The following ZFHX3 variants were observed in gnomAD, a reference collection of about 807,000 sequenced individuals.
ZFHX3 encodes zinc finger homeobox 3.
ZFHX3 carries 42 observed loss-of-function variants against 279.1 expected under a neutral mutation model. That is an observed-to-expected ratio of 0.15 (90% confidence interval 0.12 to 0.19). The LOEUF (loss-of-function observed/expected upper bound fraction) is 0.19. ZFHX3 is among the 10% of genes least tolerant of loss of function. The pLI, the probability that ZFHX3 is intolerant of heterozygous loss-of-function variation, is 1.00. For missense variants in ZFHX3, 4,981 were observed against 4,754.0 expected (o/e 1.05, Z -1.40); for synonymous variants, 2,293 against 1,957.8 (o/e 1.17, Z -4.52).
chr16:73,647,196 T>G (rs2052627167), intron 2 of ZFHX3, among the ~76,000 whole-genome samples: 1 of 152,072 alleles, frequency 6.6e-6, no homozygotes, highest in African/African-American at 2.4e-5. Flanking sequence ...GTATTTTTAG[T>G]AGAGACGGGG....
intron 7 of ZFHX3, among the ~76,000 whole-genome samples, chr16:73,098,524 G>A (rs9922785): frequency 6.6e-6 from 1 of 152,036 alleles, no homozygotes; most frequent in African/African-American, 2.4e-5. Flanking sequence ...ACCACACCCG[G>A]ATAATTTTTG....
chr16:73,688,913 G>C (rs1171908637), intron 1 of ZFHX3, among the ~76,000 whole-genome samples: 1 of 152,118 alleles, frequency 6.6e-6, no homozygotes, highest in Non-Finnish European at 1.5e-5. Context: ...AGTGAGATGT[G>C]CCTTTCACCT....
chr16:73,440,120 C>A (rs368129106), intron 3 of ZFHX3, among the ~76,000 whole-genome samples: 6 of 152,122 alleles, frequency 3.9e-5, no homozygotes, highest in Non-Finnish European at 8.8e-5. Flanking sequence ...AGAGTATTTA[C>A]TGAACTGCCA....
At chr16:73,193,731 T>C (rs1455515829) in intron 5 of ZFHX3, among the ~76,000 whole-genome samples, 2 of 152,186 alleles carry the variant, frequency 1.3e-5, no homozygotes, top group Non-Finnish European at 2.9e-5. Flanking sequence ...GGCCAGACCC[T>C]GGTCATATTC....
intron 2 of ZFHX3, among the ~76,000 whole-genome samples, chr16:73,500,530 C>T (rs1597359794): frequency 6.6e-6 from 1 of 151,826 alleles, no homozygotes; most frequent in East Asian, 1.9e-4. Context: ...TTTCACCATG[C>T]TGCCCAGGCT....
At chr16:73,523,829 T>C (rs1195426945) in intron 2 of ZFHX3, among the ~76,000 whole-genome samples, 2 of 152,074 alleles carry the variant, frequency 1.3e-5, no homozygotes, top group Non-Finnish European at 2.9e-5. Context: ...AATTCAGACA[T>C]CCACCATTGA....
chr16:73,683,375 A>G (rs1056204274), intron 1 of ZFHX3, among the ~76,000 whole-genome samples: 3 of 152,234 alleles, frequency 2.0e-5, no homozygotes, highest in Non-Finnish European at 4.4e-5. Context: ...GCCTTAAGCC[A>G]CGAGATAACC....
At position 73,416,869 on chromosome 16, in the gene ZFHX3, G is replaced by C. The variant is rs868070141; in HGVS notation, c.-1291+39134C>G. ...AGCCTGGGCGACAGAGCGAGACTCC[G>C]TCTCAAACAGAAAAAAAAGCAAGTT... On this transcript the variant is annotated intron_variant, in intron 3 of 17. Coordinates refer to the ZFHX3 transcript ENST00000641206. 2.6e-5 allele frequency among the ~76,000 whole-genome samples: 4 copies of C among 151,166 alleles called. No individual in the cohort carries two copies. The South Asian group carries it at 6.2e-4, about 24-fold the overall frequency.
chr16:73,411,796 C>A (rs543324457), intron 3 of ZFHX3, among the ~76,000 whole-genome samples: 1 of 152,270 alleles, frequency 6.6e-6, no homozygotes, highest in East Asian at 1.9e-4. Context: ...CAGGTTACTG[C>A]CACGCCCAGC....
chr16:72,903,175 AGGTCGTTG>A lies in ZFHX3; in HGVS notation c.3217-13221_3217-13214del. Among the ~76,000 whole-genome samples, 7 of 152,220 alleles carry A rather than the reference AGGTCGTTG, an allele frequency of 4.6e-5. No individual in the cohort carries two copies. In the South Asian group the frequency reaches 1.0e-3, roughly 23 times the overall value. Reference sequence around the variant, plus strand: ...AGTTCGAGGAGGGTGCCCACTGTGGAGGTCGTTGAGAAAGGCCCATGCTAAGGGCAGGT... The same window carrying A: ...AGTTCGAGGAGGGTGCCCACTGTGGAAGAAAGGCCCATGCTAAGGGCAGGT... On this transcript the variant is annotated intron_variant, in intron 3 of 9. Coordinates refer to ENST00000268489, the MANE Select transcript of ZFHX3 (RefSeq NM_006885.4).
At chr16:73,505,338 G>A (rs74523785) in intron 2 of ZFHX3, among the ~76,000 whole-genome samples, 2,021 of 152,178 alleles carry the variant, frequency 0.013, 42 homozygotes, top group African/African-American at 0.046. Flanking sequence ...GAAAGCTTAC[G>A]TCACTTACAA....
At chr16:73,639,956 AG>A (rs1174500011) in intron 2 of ZFHX3, among the ~76,000 whole-genome samples, 5 of 152,202 alleles carry the variant, frequency 3.3e-5, no homozygotes, top group African/African-American at 1.2e-4. Context: ...CTCTCCCTGC[AG>A]GATCTGAAAG....
At chr16:73,249,631 A>C (rs1224163863) in intron 5 of ZFHX3, among the ~76,000 whole-genome samples, 1 of 152,158 alleles carries the variant, frequency 6.6e-6, no homozygotes, top group Non-Finnish European at 1.5e-5. Flanking sequence ...ACAATTCAAG[A>C]AGAGATTTGG....
At chr16:73,078,659 TTTTGAGATGGAG>T (rs1310755691) in intron 8 of ZFHX3, among the ~76,000 whole-genome samples, 1 of 151,620 alleles carries the variant, frequency 6.6e-6, no homozygotes, top group Non-Finnish European at 1.5e-5. Flanking sequence ...ACTTTTTTTT[TTTTGAGATGGAG>T]TCTTGCTCTG....
chr16:73,477,041 C>T (rs949106414), intron 2 of ZFHX3, among the ~76,000 whole-genome samples: 1 of 152,268 alleles, frequency 6.6e-6, no homozygotes, highest in Admixed American at 6.5e-5. Context: ...ACATGTTTTG[C>T]ACCTGCATAA....
At chr16:73,738,140 C>A (rs1423788403) in intron 1 of ZFHX3, among the ~76,000 whole-genome samples, 4 of 152,200 alleles carry the variant, frequency 2.6e-5, no homozygotes, top group South Asian at 2.1e-4. Flanking sequence ...GAATCAGGCA[C>A]TTTTATCCCT....
chr16:73,626,129 T>A (rs1480813157), intron 2 of ZFHX3, among the ~76,000 whole-genome samples: 2 of 152,176 alleles, frequency 1.3e-5, no homozygotes, highest in Non-Finnish European at 2.9e-5. Context: ...GTGCTGGGAT[T>A]ACAGGCGTGA....
chr16:73,484,214 C>T (rs191892903), intron 2 of ZFHX3, among the ~76,000 whole-genome samples: 1 of 152,206 alleles, frequency 6.6e-6, no homozygotes, highest in South Asian at 2.1e-4. Flanking sequence ...GCTCTTTCCA[C>T]GAAGCATCTT....
chr16:73,450,052 T>G (rs541759480), intron 3 of ZFHX3, among the ~76,000 whole-genome samples: 1 of 152,208 alleles, frequency 6.6e-6, no homozygotes, highest in African/African-American at 2.4e-5. Context: ...ATTCAAGGTG[T>G]ACAATGTGAT....
Sources: allele counts gnomAD v4.1 joint callset (sites outside exome capture counted in the v4.1 genomes callset), GRCh38; gene constraint gnomAD v4.1.1; transcripts MANE v1.5; gene names NCBI Gene and HGNC (gene_info 2026-07-23, HGNC 2026-07-21).